NUMB: variants seen among roughly 807,000 people sequenced by gnomAD.
NUMB encodes protein numb homolog.
NUMB carries 29 observed loss-of-function variants against 59.7 expected under a neutral mutation model. That is an observed-to-expected ratio of 0.49 (90% CI 0.36 to 0.66). The LOEUF is 0.66. NUMB is among the 30% of genes least tolerant of loss of function. The pLI, the probability that NUMB is intolerant of heterozygous loss-of-function variation, is 0.00. For synonymous variants in NUMB, 288 were observed against 288.2 expected, an observed-to-expected ratio of 1.00 and a Z score of 0.01; for missense variants, 723 against 822.0, an observed-to-expected ratio of 0.88 and a Z score of 1.47.
intron 2 of NUMB, among the ~76,000 whole-genome samples, chr14:73,389,294 CAA>C (rs202010932): frequency 1.3e-5 from 1 of 77,254 alleles, no homozygotes; most frequent in Non-Finnish European, 2.3e-5. Flanking sequence ...AAAAAAAAAA[CAA>C]AAACAAAAAC....
At chr14:73,315,237 T>C (rs1891023831) in intron 6 of NUMB, among the ~76,000 whole-genome samples, 1 of 152,146 alleles carries the variant, frequency 6.6e-6, no homozygotes, top group Non-Finnish European at 1.5e-5. Context: ...AAAACAAAGT[T>C]CCAAAATGAC....
chr14:73,345,436 A>T (rs1892862488), intron 4 of NUMB, among the ~76,000 whole-genome samples: 1 of 152,210 alleles, frequency 6.6e-6, no homozygotes, highest in South Asian at 2.1e-4. Flanking sequence ...AACCCCAGTG[A>T]CATGCAATTT....
intron 2 of NUMB, among the ~76,000 whole-genome samples, chr14:73,406,236 C>G (rs1896666942): frequency 8.8e-6 from 1 of 113,818 alleles, no homozygotes; most frequent in Admixed American, 1.0e-4. Flanking sequence ...TAATGCTATC[C>G]CTCCCCCCTC....
At chr14:73,430,200 T>G (rs1897764247) in intron 1 of NUMB, among the ~76,000 whole-genome samples, 1 of 151,986 alleles carries the variant, frequency 6.6e-6, no homozygotes, top group African/African-American at 2.4e-5. Context: ...GCATATAGGT[T>G]TTTGTGTGAC....
intron 1 of NUMB, among the ~76,000 whole-genome samples, chr14:73,416,978 C>G (rs1333884650): frequency 6.6e-6 from 1 of 151,616 alleles, no homozygotes; most frequent in Non-Finnish European, 1.5e-5. Context: ...AACAGAAGAG[C>G]AGCAGAATGG....
chr14:73,290,104 G>A (rs1047919730), intron 8 of NUMB, among the ~76,000 whole-genome samples: 4 of 152,136 alleles, frequency 2.6e-5, no homozygotes, highest in African/African-American at 9.7e-5. Flanking sequence ...ACAGGCTGCC[G>A]GGCCACTATT....
chr14:73,400,290 C>G (rs1276551757), intron 2 of NUMB, among the ~76,000 whole-genome samples: 1 of 152,036 alleles, frequency 6.6e-6, no homozygotes, highest in Non-Finnish European at 1.5e-5. Flanking sequence ...GGATGGACAG[C>G]CAGAGCACAG....
chr14:73,279,002 G>A (rs1343157839), intron 12 of NUMB, among the ~76,000 whole-genome samples: 1 of 152,148 alleles, frequency 6.6e-6, no homozygotes, highest in Admixed American at 6.6e-5. Context: ...GGGATTACAG[G>A]CATGTGCCAA....
intron 2 of NUMB, among the ~76,000 whole-genome samples, chr14:73,377,074 A>G (rs1220578841): frequency 6.6e-6 from 1 of 152,224 alleles, no homozygotes; most frequent in Non-Finnish European, 1.5e-5. Flanking sequence ...ATCCTTCACT[A>G]AAATTAACTC....
intron 4 of NUMB, among the ~76,000 whole-genome samples, chr14:73,330,967 T>C (rs1008981473): frequency 5.3e-5 from 8 of 152,300 alleles, no homozygotes; most frequent in Admixed American, 3.3e-4. Context: ...TCTCGGAGGC[T>C]GAAGGCCTGA....
chr14:73,414,627 T>G (rs1157086890), intron 1 of NUMB, among the ~76,000 whole-genome samples: 1 of 152,110 alleles, frequency 6.6e-6, no homozygotes, highest in African/African-American at 2.4e-5. Flanking sequence ...CTCAAAGCGA[T>G]CTGCCCTTCT....
chr14:73,322,979 C>G (rs889663943), intron 5 of NUMB, 151 bp downstream of exon 5: 12 of 589,188 alleles, frequency 2.0e-5, no homozygotes, highest in Non-Finnish European at 3.6e-5. Flanking sequence ...GAGTGAGCCA[C>G]CGCGCTTGGC....
chr14:73,378,662 A>G (rs1895087106), intron 2 of NUMB, among the ~76,000 whole-genome samples: 1 of 152,254 alleles, frequency 6.6e-6, no homozygotes, highest in Non-Finnish European at 1.5e-5. Flanking sequence ...AAAAGGCTAC[A>G]TACTGTATGA....
At position 73,313,895 on chromosome 14, in the gene NUMB, C is replaced by T. The variant is rs140292017; in HGVS notation, c.234+2495G>A. 1.0e-3 allele frequency among the ~76,000 whole-genome samples: 151 copies of T among 151,632 alleles called. 1 individual carries two copies. The highest frequency in any genetic ancestry group is 2.2e-3 in the African/African-American group (90 of 41,326). ...TTATCTTGGCTCATTGCAACCTCTGCCTCCCAGGTTCAAGCAATTCTCCTG... is the reference window on the plus strand; with the variant it reads ...TTATCTTGGCTCATTGCAACCTCTGTCTCCCAGGTTCAAGCAATTCTCCTG... On this transcript the variant is annotated intron_variant, in intron 6 of 12. Coordinates refer to ENST00000555238, the MANE Select transcript of NUMB (RefSeq NM_001005743.2).
chr14:73,412,511 C>A (rs2140136555), intron 1 of NUMB, among the ~76,000 whole-genome samples: 1 of 151,874 alleles, frequency 6.6e-6, no homozygotes, highest in East Asian at 2.0e-4. Context: ...CCTGTAATCC[C>A]AGCTACTCGG....
chr14:73,395,684 T>C lies in NUMB; in HGVS notation c.-101+14253A>G, dbSNP rs188783450. Among the ~76,000 whole-genome samples, 5 of 152,132 alleles carry C rather than the reference T, an allele frequency of 3.3e-5. No individual in the cohort carries two copies. The East Asian group carries it at 9.6e-4, about 29-fold the overall frequency. On this transcript the variant is annotated intron_variant, in intron 2 of 12. Coordinates refer to ENST00000555238, the MANE Select transcript of NUMB (RefSeq NM_001005743.2). The stretch of plus-strand genomic sequence containing the variant: ...AGGGGTTATTCCAGAATGATGTTAA[T>C]GTGCCAGAGATGAGGAATGAAACAT...
intron 2 of NUMB, among the ~76,000 whole-genome samples, chr14:73,367,294 T>TACAC (rs1303814223): frequency 7.1e-4 from 83 of 116,812 alleles, no homozygotes; most frequent in East Asian, 2.7e-3. Flanking sequence ...TATATATATA[T>TACAC]ATACACACAC....
intron 1 of NUMB, among the ~76,000 whole-genome samples, chr14:73,418,195 T>C (rs1017727932): frequency 1.3e-5 from 2 of 152,118 alleles, no homozygotes; most frequent in African/African-American, 4.8e-5. Flanking sequence ...AAGATGAACC[T>C]TGAAAATTGT....
chr14:73,430,828 C>T (rs2140168160), intron 1 of NUMB, among the ~76,000 whole-genome samples: 1 of 151,954 alleles, frequency 6.6e-6, no homozygotes, highest in African/African-American at 2.4e-5. Flanking sequence ...GCCTGTAGTC[C>T]CAGCTACTGG....
Sources: gnomAD v4.1 joint callset for allele counts (sites outside exome capture counted in the v4.1 genomes callset) on GRCh38, gnomAD v4.1.1 for gene constraint, MANE v1.5 for transcripts, NCBI Gene and HGNC (gene_info 2026-07-23, HGNC 2026-07-21) for gene names.